The following CCDC38 variants were observed in gnomAD, a reference collection of about 807,000 sequenced individuals.
CCDC38 encodes coiled-coil domain-containing protein 38.
CCDC38 carries 69 observed loss-of-function variants against 72.8 expected under a neutral mutation model. The observed-to-expected ratio is 0.95, with a 90% confidence interval of 0.78 to 1.16. The LOEUF is 1.16. CCDC38 is among the 50% of genes most tolerant of loss of function. The pLI, the probability that CCDC38 is intolerant of heterozygous loss-of-function variation, is 0.00. For synonymous variants in CCDC38, 201 were observed against 213.2 expected (o/e 0.94, Z 0.50); for missense variants, 626 against 638.9 (o/e 0.98, Z 0.22).
chr12:95,907,872 C>G (rs527512711), intron 4 of CCDC38, among the ~76,000 whole-genome samples: 1 of 151,416 alleles, frequency 6.6e-6, no homozygotes, highest in African/African-American at 2.4e-5. Flanking sequence ...TCCTCACTTC[C>G]TAGATGGGAT....
intron 2 of CCDC38, among the ~76,000 whole-genome samples, chr12:95,936,106 A>T (rs2080390915): frequency 6.6e-6 from 1 of 151,804 alleles, no homozygotes; most frequent in African/African-American, 2.4e-5. Context: ...AAATAAAATA[A>T]AATAAATAAA....
chr12:95,867,269 T>A, intron 15 of CCDC38, 80 bp from the exon 16 acceptor site: 1 of 746,774 alleles, frequency 1.3e-6, no homozygotes, highest in Non-Finnish European at 2.3e-6. Context: ...ATACCAATAT[T>A]AACTTGATTT....
intron 15 of CCDC38, among the ~76,000 whole-genome samples, chr12:95,867,811 T>TTA (rs2079538727): frequency 6.6e-6 from 1 of 152,214 alleles, no homozygotes; most frequent in Non-Finnish European, 1.5e-5. Context: ...TGTTTTGCTT[T>TTA]TATAGCTGAA....
At chr12:95,903,593 T>A in intron 5 of CCDC38, 1 of 584,680 alleles carries the variant, frequency 1.7e-6, no homozygotes, top group Non-Finnish European at 3.1e-6. Flanking sequence ...AGAGTCTCCA[T>A]CAAGAATGAA....
At chr12:95,891,155 A>T (rs2079822437) in intron 8 of CCDC38, among the ~76,000 whole-genome samples, 1 of 152,218 alleles carries the variant, frequency 6.6e-6, no homozygotes, top group South Asian at 2.1e-4. Flanking sequence ...TGCAGATAGT[A>T]AGGGCTGGTC....
chr12:95,890,680 T>C lies in CCDC38; in HGVS notation c.871+152A>G. The C allele has an allele frequency of 5.6e-6, 3 of 531,388 alleles. No homozygotes were observed. In the South Asian group the frequency reaches 7.8e-5, roughly 14 times the overall value. The allele number at this position is 531,388 out of a possible 1,614,324, so 32.9% of individuals were successfully genotyped here. On this transcript the variant is annotated intron_variant, in intron 9 of 15. Coordinates refer to ENST00000344280, the MANE Select transcript of CCDC38 (RefSeq NM_182496.3). The stretch of plus-strand genomic sequence containing the variant: ...CACCTCTTGGCATTTTGTGATAACG[T>C]GAGAGAGAGAACCAGAGCCCCTGGC...
At chr12:95,883,744 T>C (rs1166357785) in intron 10 of CCDC38, among the ~76,000 whole-genome samples, 1 of 152,234 alleles carries the variant, frequency 6.6e-6, no homozygotes, top group Non-Finnish European at 1.5e-5. Context: ...AGATTATCTT[T>C]TGTTTATTGT....
At position 95,895,091 on chromosome 12, in the gene CCDC38, G is replaced by GA. The variant is rs762274107; in HGVS notation, c.669dup (p.Leu224SerfsTer24). The GA allele has an allele frequency of 3.7e-6, 6 of 1,611,458 alleles. No individual in the cohort carries two copies. The highest frequency in any genetic ancestry group is 1.1e-5 in the South Asian group (1 of 90,462). ...CAATGTTTTGGAGACATTTGCAGCA[G>GA]AAAAAAACCATATTTCATATACTCC... On this transcript the variant is annotated frameshift_variant, in exon 8 of 16. Coordinates refer to ENST00000344280, the MANE Select transcript of CCDC38 (RefSeq NM_182496.3). LOFTEE classifies it high-confidence loss of function.
At chr12:95,903,093 T>C (rs1323409479) in intron 5 of CCDC38, among the ~76,000 whole-genome samples, 3 of 152,188 alleles carry the variant, frequency 2.0e-5, no homozygotes, top group Non-Finnish European at 4.4e-5. Flanking sequence ...CTTGTAGTTT[T>C]CAGTGTACAT....
At chr12:95,892,490 C>T (rs2079839438) in intron 8 of CCDC38, among the ~76,000 whole-genome samples, 1 of 151,346 alleles carries the variant, frequency 6.6e-6, no homozygotes, top group South Asian at 2.1e-4. Flanking sequence ...CACTATGTTG[C>T]CCAAGCTGGT....
At chr12:95,909,361 AAC>A (rs2080065968) in intron 4 of CCDC38, among the ~76,000 whole-genome samples, 1 of 152,218 alleles carries the variant, frequency 6.6e-6, no homozygotes, top group African/African-American at 2.4e-5. Flanking sequence ...AAGAAATTGT[AAC>A]CCTGAACAGA....
intron 2 of CCDC38, among the ~76,000 whole-genome samples, chr12:95,927,868 C>T (rs2080290056): frequency 6.7e-6 from 1 of 149,120 alleles, no homozygotes; most frequent in South Asian, 2.2e-4. Flanking sequence ...ATATTGGCCC[C>T]CACTCTCTTC....
At position 95,878,313 on chromosome 12, in the gene CCDC38, T is replaced by C; in HGVS notation, c.1176A>G (p.Glu392=). 1.2e-6 allele frequency: 2 copies of C among 1,613,460 alleles called. No homozygotes were observed. Among genetic ancestry groups the C allele is most frequent in the Middle Eastern group, 1.7e-4 (1 of 6,050 alleles). ...TCACACAGTTAGCTTTAAGCATTTTTTCTTGCTCCAAAAGAAACTCTATGT... is the reference window on the plus strand; with the variant it reads ...TCACACAGTTAGCTTTAAGCATTTTCTCTTGCTCCAAAAGAAACTCTATGT... ...NSNIEFLLEQ[E]KMLKANCVRE... The change falls in exon 13 of 16, where the codon GAA becomes GAG. Residue 392 remains glutamate, a synonymous_variant. Coordinates refer to ENST00000344280, the MANE Select transcript of CCDC38 (RefSeq NM_182496.3).
chr12:95,898,308 A>T (rs2079912774), intron 7 of CCDC38, 77 bp downstream of exon 7: 3 of 1,329,914 alleles, frequency 2.3e-6, no homozygotes, highest in Middle Eastern at 1.8e-4. Flanking sequence ...GATCAGGATT[A>T]TTAGGTCTTA....
At chr12:95,936,347 T>C in intron 2 of CCDC38, 126 bp downstream of exon 2, 3 of 779,996 alleles carry the variant, frequency 3.8e-6, no homozygotes, top group Non-Finnish European at 3.9e-6. Context: ...TCTCTGCAGG[T>C]AGTTTATAAA....
chr12:95,929,961 C>G (rs2080319965), intron 2 of CCDC38, among the ~76,000 whole-genome samples: 1 of 152,046 alleles, frequency 6.6e-6, no homozygotes. Flanking sequence ...TTCACATGGC[C>G]TTCTCCTTTT....
At chr12:95,882,826 A>C (rs542844475) in intron 10 of CCDC38, among the ~76,000 whole-genome samples, 1 of 152,322 alleles carries the variant, frequency 6.6e-6, no homozygotes, top group East Asian at 1.9e-4. Context: ...CTTGAGCTTT[A>C]GATTTCAATG....
At chr12:95,907,358 G>A (rs2080017319) in intron 4 of CCDC38, among the ~76,000 whole-genome samples, 1 of 145,556 alleles carries the variant, frequency 6.9e-6, no homozygotes, top group Non-Finnish European at 1.5e-5. Context: ...CAGACGGGGT[G>A]GTGGCCGGGC....
At chr12:95,885,081 G>A (rs1389939865) in intron 10 of CCDC38, 2 of 152,192 alleles carry the variant, frequency 1.3e-5, no homozygotes, top group African/African-American at 4.8e-5. Flanking sequence ...TTGAAAAACA[G>A]GAATTACATA....
Sources: gnomAD v4.1 joint callset for allele counts (sites outside exome capture counted in the v4.1 genomes callset) on GRCh38, gnomAD v4.1.1 for gene constraint, MANE v1.5 for transcripts, NCBI Gene and HGNC (gene_info 2026-07-23, HGNC 2026-07-21) for gene names.